The following PODN variants were observed in gnomAD, a reference collection of about 807,000 sequenced individuals.
PODN encodes podocan.
A neutral mutation model predicts 52.7 loss-of-function variants in PODN; 40 were observed. The ratio of observed to expected loss-of-function variants is 0.76; its 90% CI spans 0.59 to 0.99. PODN has a LOEUF of 0.99. Ranked by LOEUF, PODN falls within the 50% of genes least tolerant of loss-of-function variation. The pLI is 0.00. For missense variants in PODN, 720 were observed against 815.1 expected (o/e 0.88, Z 1.42); for synonymous variants, 396 against 377.9 (o/e 1.05, Z -0.56).
At chr1:53,084,465 GGT>G (rs1354099583) in intron 10 of PODN, 46 bp from the exon 11 acceptor site, 24 of 152,286 alleles carry the variant, frequency 1.6e-4, no homozygotes, top group African/African-American at 5.1e-4. Flanking sequence ...TGCTTGGGCT[GGT>G]GGGTCTGCCC....
chr1:53,070,701 G>A (rs1260808420), intron 2 of PODN, among the ~76,000 whole-genome samples: 1 of 152,252 alleles, frequency 6.6e-6, no homozygotes, highest in Admixed American at 6.5e-5. Flanking sequence ...AACAGCCCTA[G>A]GGAGACGGAG....
chr1:53,063,977 AC>A (rs1643997935), intron 1 of PODN, among the ~76,000 whole-genome samples: 1 of 151,696 alleles, frequency 6.6e-6, no homozygotes, highest in African/African-American at 2.4e-5. Context: ...ATCACACTCT[AC>A]CTCTGCCTGG....
chr1:53,084,351 G>A (rs369688404), intron 10 of PODN, among the ~76,000 whole-genome samples, 162 bp from the exon 11 acceptor site: 5 of 151,344 alleles, frequency 3.3e-5, no homozygotes, highest in African/African-American at 7.3e-5. Context: ...CTGGCACCCC[G>A]CTGGCTCTGG....
chr1:53,082,844 A>C (rs1644314994), intron 10 of PODN, among the ~76,000 whole-genome samples: 1 of 152,122 alleles, frequency 6.6e-6, no homozygotes, highest in Admixed American at 6.5e-5. Flanking sequence ...GCATGCCTAG[A>C]CTATGTACAT....
Position 53,075,945 on chromosome 1 carries a change from C to A in PODN, c.555C>A (p.Leu185=). The change falls in exon 5 of 11, where the codon CTC becomes CTA. Residue 185 remains leucine, a synonymous_variant. Transcript: ENST00000312553. ...ACTATCTCACCAAGATCTATGGGCT[C>A]ACCTTTGGCCAGAAGCCAAACTTGA... ...AANYLTKIYG[L]TFGQKPNLRS... 1 of 1,598,546 alleles carries A rather than the reference C, an allele frequency of 6.3e-7. No individual in the cohort carries two copies. Among genetic ancestry groups the A allele is most frequent in the Non-Finnish European group, 8.5e-7 (1 of 1,170,920 alleles).
At position 53,066,881 on chromosome 1, in the gene PODN, A is replaced by G; in HGVS notation, c.-55-2920A>G. 4 of 1,547,406 alleles carry G rather than the reference A, an allele frequency of 2.6e-6. No homozygotes were observed. In the South Asian group the frequency reaches 3.6e-5, roughly 14 times the overall value. On this transcript the variant is annotated intron_variant, in intron 1 of 10. Transcript: ENST00000312553. ...ACAGCCTGCCTGGTATGTGCACAGG[A>G]TATGTGAGACCAGAGCTCCTTCCCC...
Position 53,069,916 on chromosome 1 carries a change from C to A in PODN, c.61C>A (p.Pro21Thr), listed in dbSNP as rs1051376733. The part of the protein sequence containing the change: ...LLLPPQLHLG[P>T]VLAVRAPGFG... ...GCTGCCGCCACAGCTGCACCTGGGA[C>A]CTGTGCTTGCCGTGAGGGCCCCAGG... The change falls in exon 2 of 11, where the codon CCT (proline) becomes ACT (threonine). Residue 21 changes from proline (P) to threonine (T), a missense_variant. Coordinates refer to ENST00000312553, the MANE Select transcript of PODN (RefSeq NM_153703.5). 2.5e-6 allele frequency: 4 copies of A among 1,574,066 alleles called. No individual in the cohort carries two copies. Among genetic ancestry groups the A allele is most frequent in the South Asian group, 1.2e-5 (1 of 86,576 alleles).
At chr1:53,073,250 A>ATT (rs902204294) in intron 3 of PODN, 27 of 214,234 alleles carry the variant, frequency 1.3e-4, no homozygotes, top group Admixed American at 2.1e-4. Flanking sequence ...ATGCTCTTCA[A>ATT]TTTGTGTAAT....
chr1:53,063,021 G>GAGATC (rs1643981509), intron 1 of PODN, among the ~76,000 whole-genome samples: 1 of 152,200 alleles, frequency 6.6e-6, no homozygotes. Flanking sequence ...CGCGAGGAGC[G>GAGATC]AGATCCGCGC....
intron 1 of PODN, among the ~76,000 whole-genome samples, chr1:53,063,853 C>T (rs1054537656): frequency 6.6e-6 from 1 of 152,134 alleles, no homozygotes; most frequent in Non-Finnish European, 1.5e-5. Context: ...CTTAATGAGT[C>T]CCTATCACCA....
At chr1:53,081,002 A>C in intron 9 of PODN, 126 bp downstream of exon 9, 2 of 1,325,228 alleles carry the variant, frequency 1.5e-6, no homozygotes, top group Non-Finnish European at 2.1e-6. Flanking sequence ...TCAGATCTCA[A>C]GGGTGGGGAC....
intron 10 of PODN, among the ~76,000 whole-genome samples, chr1:53,083,560 A>T (rs1417466475): frequency 6.6e-6 from 1 of 152,218 alleles, no homozygotes; most frequent in Non-Finnish European, 1.5e-5. Context: ...TGTCAGCCGG[A>T]TCCCTCCAGT....
chr1:53,077,341 C>A lies in PODN; in HGVS notation c.733C>A (p.Leu245Ile). 6.2e-7 allele frequency: 1 copy of A among 1,613,058 alleles called. No homozygotes were observed. The change falls in exon 6 of 11, where the codon CTC becomes ATC. Residue 245 changes from leucine (L) to isoleucine (I), a missense_variant. Leu to Ile is a conservative substitution (Grantham distance 5). Coordinates refer to ENST00000312553, the MANE Select transcript of PODN (RefSeq NM_153703.5). ...HLPPALYKLHLKNNKLEKIPP... is the reference protein window; with the variant it reads ...HLPPALYKLHIKNNKLEKIPP... ...GCCGCCTGCCCTGTACAAGCTGCAC[C>A]TCAAGGTGGGCAGGGGAGGGGTAAG...
At chr1:53,084,050 C>T (rs2150309258) in intron 10 of PODN, among the ~76,000 whole-genome samples, 1 of 152,080 alleles carries the variant, frequency 6.6e-6, no homozygotes, top group East Asian at 1.9e-4. Flanking sequence ...AGAGTGTGCA[C>T]AGAGTTGGGT....
In PODN at chr1:53,078,662, C is replaced by T. The variant is rs1238171362; in HGVS notation, c.1152C>T (p.Thr384=). 1 of 1,613,164 alleles carries T rather than the reference C, an allele frequency of 6.2e-7. No individual in the cohort carries two copies. The highest frequency in any genetic ancestry group is 8.5e-7 in the Non-Finnish European group (1 of 1,179,972). Residue 384 remains threonine, a synonymous_variant, in exon 8 of 11, where the codon ACC becomes ACT. Transcript: ENST00000312553. The stretch of plus-strand genomic sequence containing the variant: ...GTGGCCTGCCTCGCCGCGTGCGCAC[C>T]CTCATGATCCTGCACAACCAGATCA... ...VPSGLPRRVR[T]LMILHNQITG...
chr1:53,064,415 T>G (rs1644003884), intron 1 of PODN, among the ~76,000 whole-genome samples: 1 of 152,248 alleles, frequency 6.6e-6, no homozygotes, highest in Non-Finnish European at 1.5e-5. Context: ...GAGCTCCAAA[T>G]CTGCAGAATA....
At chr1:53,062,364 G>T in intron 1 of PODN, 56 bp downstream of exon 1, 1 of 1,187,372 alleles carries the variant, frequency 8.4e-7, no homozygotes, top group Non-Finnish European at 1.1e-6. Flanking sequence ...AGCCCGGGCA[G>T]CGCACTCAGA....
intron 6 of PODN, 41 bp from the exon 7 acceptor site, chr1:53,077,644 G>A: frequency 1.3e-6 from 2 of 1,563,714 alleles, no homozygotes; most frequent in Non-Finnish European, 1.7e-6. Flanking sequence ...CTTGCCCTCG[G>A]CCCTCCCTCA....
chr1:53,069,897 G>C lies in PODN; in HGVS notation c.42G>C (p.Pro14=), dbSNP rs376483283. 3.2e-6 allele frequency: 5 copies of C among 1,568,016 alleles called. No individual in the cohort carries two copies. Among genetic ancestry groups the C allele is most frequent in the African/African-American group, 2.7e-5 (2 of 73,740 alleles). The change falls in exon 2 of 11, where the codon CCG becomes CCC. Residue 14 remains proline (P), a synonymous_variant. Transcript: ENST00000312553. The stretch of plus-strand genomic sequence containing the variant: ...TGCTGCTGCTCCTGCTGCTGCTGCC[G>C]CCACAGCTGCACCTGGGACCTGTGC... ...SRVLLLLLLL[P]PQLHLGPVLA...
Sources: gnomAD v4.1 joint callset for allele counts (sites outside exome capture counted in the v4.1 genomes callset) on GRCh38, gnomAD v4.1.1 for gene constraint, MANE v1.5 for transcripts, NCBI Gene and HGNC (gene_info 2026-07-23, HGNC 2026-07-21) for gene names.